The following GULP1 variants were observed in gnomAD, a reference collection of about 807,000 sequenced individuals.
The protein encoded by GULP1 is GULP PTB domain containing engulfment adaptor 1, also known as PTB domain-containing engulfment adapter protein 1.
A neutral mutation model predicts 40.9 loss-of-function variants in GULP1; 19 were observed. The ratio of observed to expected loss-of-function variants is 0.46; its 90% CI spans 0.32 to 0.68. GULP1 has a LOEUF of 0.68. Among genes scored for constraint, GULP1 ranks in the 30% least tolerant of loss-of-function variants. GULP1 has a pLI of 0.03. For missense variants in GULP1, 312 were observed against 362.2 expected (o/e 0.86, Z 1.12); for synonymous variants, 119 against 117.6 (o/e 1.01, Z -0.08).
At chr2:188,504,544 CAG>C (rs1162936053) in intron 4 of GULP1, among the ~76,000 whole-genome samples, 1 of 151,890 alleles carries the variant, frequency 6.6e-6, no homozygotes, top group African/African-American at 2.4e-5. Context: ...CCCATTTTGA[CAG>C]AGAGTAATAG....
Position 188,436,912 on chromosome 2 carries a change from C to T in GULP1, c.-44-40747C>T, listed in dbSNP as rs536541308. On this transcript the variant is annotated intron_variant, in intron 2 of 11. Coordinates refer to ENST00000409830, the MANE Select transcript of GULP1 (RefSeq NM_016315.4). The stretch of plus-strand genomic sequence containing the variant: ...TATTTCTATCCATAGATCTTTTGCA[C>T]TTGGCACATACATAAAAACAATAAA... Among the ~76,000 whole-genome samples the T allele has an allele frequency of 2.3e-4, 35 of 152,136 alleles. 1 individual carries two copies. In the South Asian group the frequency reaches 7.3e-3, roughly 32 times the overall value.
chr2:188,544,238 A>G (rs1691300495), intron 7 of GULP1, among the ~76,000 whole-genome samples: 1 of 152,158 alleles, frequency 6.6e-6, no homozygotes, highest in Admixed American at 6.6e-5. Flanking sequence ...AAAGGAAATG[A>G]CAGTCAGTAG....
chr2:188,335,993 AAATT>A (rs1181430035), intron 1 of GULP1, among the ~76,000 whole-genome samples: 1 of 152,218 alleles, frequency 6.6e-6, no homozygotes, highest in Non-Finnish European at 1.5e-5. Flanking sequence ...CATTGTTCAT[AAATT>A]AATAATAATT....
chr2:188,510,391 G>A (rs1465614844), intron 4 of GULP1, among the ~76,000 whole-genome samples: 2 of 151,920 alleles, frequency 1.3e-5, no homozygotes, highest in Admixed American at 6.6e-5. Context: ...CCATATTGGC[G>A]AGGAAAAAGA....
At position 188,333,880 on chromosome 2, in the gene GULP1, C is replaced by G. The variant is rs2152076501; in HGVS notation, c.-172+41714C>G. Among the ~76,000 whole-genome samples, 2 of 152,222 alleles carry G rather than the reference C, an allele frequency of 1.3e-5. 1 individual carries two copies. Among genetic ancestry groups the G allele is most frequent in the South Asian group, 4.1e-4 (2 of 4,820 alleles). ...ATTGTTCTATAATAAGCAGCTTAGA[C>G]CCAACTAGCCACCCTTTGGACTGAG... On this transcript the variant is annotated intron_variant, in intron 1 of 11. Coordinates refer to ENST00000409830, the MANE Select transcript of GULP1 (RefSeq NM_016315.4).
chr2:188,541,432 G>T, intron 7 of GULP1, 114 bp downstream of exon 7: 1 of 914,984 alleles, frequency 1.1e-6, no homozygotes, highest in Non-Finnish European at 1.8e-6. Flanking sequence ...AAATTATTCT[G>T]TAAAAAGTCT....
chr2:188,573,155 TG>T (rs1368910817), intron 9 of GULP1, among the ~76,000 whole-genome samples: 3 of 152,218 alleles, frequency 2.0e-5, no homozygotes, highest in African/African-American at 7.2e-5. Flanking sequence ...CCAATTCAAA[TG>T]GTTTAAAAAA....
At chr2:188,332,680 A>G (rs1005223132) in intron 1 of GULP1, among the ~76,000 whole-genome samples, 1 of 152,040 alleles carries the variant, frequency 6.6e-6, no homozygotes, top group Non-Finnish European at 1.5e-5. Context: ...GGGAATCTTG[A>G]AAGTGAGGAT....
intron 1 of GULP1, chr2:188,297,542 G>T (rs780634773): frequency 4.4e-6 from 2 of 453,776 alleles, no homozygotes; most frequent in South Asian, 1.6e-5. Flanking sequence ...CTTTGCCAGA[G>T]CTACAAAGGC....
rs911419421 is a variant in GULP1, at chr2:188,305,966, C to T, written c.-172+13800C>T. Among the ~76,000 whole-genome samples, 9 of 151,840 alleles carry T rather than the reference C, an allele frequency of 5.9e-5. No homozygotes were observed. In the South Asian group the frequency reaches 8.3e-4, roughly 14 times the overall value. ...CTAATTTTTGTATTTTTAGTAGAGA[C>T]GGGGTTTCACCATGTTGGCCAGGCT... On this transcript the variant is annotated intron_variant, in intron 1 of 11. Transcript: ENST00000409830.
At chr2:188,302,172 A>C (rs765987311) in intron 1 of GULP1, among the ~76,000 whole-genome samples, 2 of 152,172 alleles carry the variant, frequency 1.3e-5, no homozygotes, top group Non-Finnish European at 2.9e-5. Context: ...GTCTATAAAA[A>C]CTTATTATTC....
intron 2 of GULP1, among the ~76,000 whole-genome samples, chr2:188,437,883 G>A (rs2057557817): frequency 6.6e-6 from 1 of 152,058 alleles, no homozygotes; most frequent in Non-Finnish European, 1.5e-5. Context: ...GAGAACTCAT[G>A]ACACGAAGAG....
intron 2 of GULP1, among the ~76,000 whole-genome samples, chr2:188,411,880 T>G (rs1297992995): frequency 1.3e-5 from 2 of 152,186 alleles, no homozygotes; most frequent in Non-Finnish European, 2.9e-5. Flanking sequence ...AGAAAGGGGC[T>G]CTAGTGCTGC....
At chr2:188,339,120 A>G (rs2042654496) in intron 1 of GULP1, among the ~76,000 whole-genome samples, 1 of 152,216 alleles carries the variant, frequency 6.6e-6, no homozygotes. Flanking sequence ...TTTTACAAAT[A>G]GAAGACATGA....
chr2:188,454,863 C>T (rs189140420), intron 2 of GULP1, among the ~76,000 whole-genome samples: 43 of 152,206 alleles, frequency 2.8e-4, no homozygotes, highest in Non-Finnish European at 2.9e-4. Context: ...GAGTTTCATG[C>T]CTATAATTGC....
At chr2:188,548,994 A>G (rs1411433239) in intron 7 of GULP1, among the ~76,000 whole-genome samples, 1 of 151,926 alleles carries the variant, frequency 6.6e-6, no homozygotes, top group Non-Finnish European at 1.5e-5. Flanking sequence ...AAATACAACT[A>G]TAAAACATTT....
chr2:188,395,732 CCT>C (rs2051157808), intron 2 of GULP1, among the ~76,000 whole-genome samples: 1 of 152,102 alleles, frequency 6.6e-6, no homozygotes, highest in Non-Finnish European at 1.5e-5. Flanking sequence ...TGCTGCTGCT[CCT>C]CTGAGTCTAG....
At chr2:188,349,178 A>G (rs918984949) in intron 1 of GULP1, among the ~76,000 whole-genome samples, 7 of 152,140 alleles carry the variant, frequency 4.6e-5, no homozygotes, top group African/African-American at 1.7e-4. Context: ...GGTTGTTTCC[A>G]CAGTTTGTCT....
intron 10 of GULP1, among the ~76,000 whole-genome samples, chr2:188,585,365 TG>T (rs879506845): frequency 1.3e-5 from 2 of 152,182 alleles, no homozygotes; most frequent in Non-Finnish European, 2.9e-5. Context: ...AGTGCCCCAG[TG>T]GGGACTCTGT....
Sources: allele counts gnomAD v4.1 joint callset (sites outside exome capture counted in the v4.1 genomes callset), GRCh38; gene constraint gnomAD v4.1.1; transcripts MANE v1.5; gene names NCBI Gene and HGNC (gene_info 2026-07-23, HGNC 2026-07-21).